Variants in DNAH17 observed in about 807,000 individuals in gnomAD.
DNAH17 encodes the protein axonemal beta dynein heavy chain 17.
DNAH17 carries 376 observed loss-of-function variants against 485.6 expected under a neutral mutation model. That is an observed-to-expected ratio of 0.77 (90% CI 0.71 to 0.84). The LOEUF (loss-of-function observed/expected upper bound fraction) is 0.84. DNAH17 is among the 40% of genes least tolerant of loss of function. DNAH17 has a pLI of 0.00. For missense variants in DNAH17, 6,370 were observed against 5,839.3 expected, an observed-to-expected ratio of 1.09 and a Z score of -2.96; for synonymous variants, 3,031 against 2,405.9, an observed-to-expected ratio of 1.26 and a Z score of -7.60.
At chr17:78,564,695 C>A (rs1271062571) in intron 11 of DNAH17, among the ~76,000 whole-genome samples, 1 of 152,154 alleles carries the variant, frequency 6.6e-6, no homozygotes, top group African/African-American at 2.4e-5. Flanking sequence ...TTGTGCACTG[C>A]AGGAAATACT....
chr17:78,505,516 C>T (rs187671298), intron 30 of DNAH17, 71 bp from the exon 31 acceptor site: 27 of 1,600,146 alleles, frequency 1.7e-5, no homozygotes, highest in Admixed American at 1.2e-4. Context: ...TTGGGCTTTC[C>T]GTGGGTGGTT....
chr17:78,515,505 T>G (rs903902655), intron 25 of DNAH17, among the ~76,000 whole-genome samples: 2 of 141,082 alleles, frequency 1.4e-5, no homozygotes, highest in Admixed American at 6.9e-5. Flanking sequence ...TGAGACTCCA[T>G]CTCAAAAAAA....
Position 78,479,479 on chromosome 17 carries a change from G to A in DNAH17, c.7900+6C>T, listed in dbSNP as rs1366392293. On this transcript the variant is annotated splice_donor_region_variant and intron_variant, in intron 50 of 80. Coordinates refer to ENST00000389840, the MANE Select transcript of DNAH17 (RefSeq NM_173628.4). Reference sequence around the variant, plus strand: ...ATGGGAGAGGGGATGAGGCCAGCCAGCTTACCCAGGGCCGCGGCCACCAGC... The same window carrying A: ...ATGGGAGAGGGGATGAGGCCAGCCAACTTACCCAGGGCCGCGGCCACCAGC... 2 of 1,607,230 alleles carry A rather than the reference G, an allele frequency of 1.2e-6. No homozygotes were observed. The highest frequency in any genetic ancestry group is 8.5e-7 in the Non-Finnish European group (1 of 1,177,734).
intron 56 of DNAH17, among the ~76,000 whole-genome samples, chr17:78,465,471 A>C (rs1461876656): frequency 6.3e-5 from 8 of 126,874 alleles, no homozygotes; most frequent in South Asian, 2.8e-4. Context: ...CTGCCATCCC[A>C]CCTAGGAAGT....
intron 69 of DNAH17, among the ~76,000 whole-genome samples, chr17:78,445,943 G>A (rs987844460): frequency 2.0e-5 from 3 of 150,374 alleles, no homozygotes; most frequent in Non-Finnish European, 4.5e-5. Flanking sequence ...GCCGAGGAGG[G>A]GGTGGATCAC....
chr17:78,543,833 A>G (rs1259132993), intron 17 of DNAH17, 24 bp downstream of exon 17: 1 of 1,613,954 alleles, frequency 6.2e-7, no homozygotes, highest in Admixed American at 1.7e-5. Flanking sequence ...GGGTTCTCAA[A>G]AAACCTCCTG....
rs147965459 is a variant in DNAH17, at chr17:78,449,544, G to A, written c.11081C>T (p.Thr3694Ile). 40 of 1,604,730 alleles carry A rather than the reference G, an allele frequency of 2.5e-5. No homozygotes were observed. Among genetic ancestry groups the A allele is most frequent in the Middle Eastern group, 1.6e-4 (1 of 6,068 alleles). ...CCGCTGCTTCACCTCGTTGGCAGGG[G>A]TGGTCCTCTGGATGGCTTTCTCAAA... The part of the protein sequence containing the change: ...VVFEKAIQRT[T>I]PANEVKQRVI... The change falls in exon 69 of 81, where the codon ACC (threonine) becomes ATC (isoleucine). Residue 3694 changes from threonine (T) to isoleucine (I), a missense_variant. Physicochemically the swap from Thr to Ile is moderately conservative, Grantham distance 89. Transcript: ENST00000389840.
At chr17:78,490,576 T>C in intron 44 of DNAH17, 123 bp downstream of exon 44, 1 of 1,364,840 alleles carries the variant, frequency 7.3e-7, no homozygotes, top group Non-Finnish European at 9.9e-7. Flanking sequence ...CACTGGTGCC[T>C]GGTGAGGGCC....
intron 48 of DNAH17, among the ~76,000 whole-genome samples, chr17:78,484,168 T>C (rs1285450426): frequency 7.6e-6 from 1 of 131,146 alleles, no homozygotes; most frequent in Admixed American, 7.7e-5. Context: ...ACTGCAAACC[T>C]AAACGTGCCA....
Position 78,450,746 on chromosome 17 carries a change from C to T in DNAH17, c.10835G>A (p.Gly3612Glu). The change falls in exon 67 of 81, where the codon GGA becomes GAA. Residue 3612 changes from glycine (G) to glutamate (E), a missense_variant. Gly to Glu is a moderately conservative substitution (Grantham distance 98). Transcript: ENST00000389840. ...RLSAASGNFL[G>E]DTALVENLET... The stretch of plus-strand genomic sequence containing the variant: ...CAGATTCTCCACCAAGGCCGTGTCT[C>T]CCAGAAAGTTCCCCGACGCAGCCGA... 1.2e-6 allele frequency: 2 copies of T among 1,614,034 alleles called. No individual in the cohort carries two copies. The highest frequency in any genetic ancestry group is 1.1e-5 in the South Asian group (1 of 91,076).
Position 78,507,739 on chromosome 17 carries a change from C to G in DNAH17, c.4303G>C (p.Gly1435Arg), listed in dbSNP as rs867707950. 1.2e-6 allele frequency: 2 copies of G among 1,603,358 alleles called. No individual in the cohort carries two copies. The highest frequency in any genetic ancestry group is 4.5e-5 in the East Asian group (2 of 44,796). ...TCGCTGGACTTGAGCATCATGGTGC[C>G]TGTCCGCGGGTGCGGCTCGTGCTGG... The part of the protein sequence containing the change: ...EFQHEPHPRT[G>R]TMMLKSSEVL... The change falls in exon 28 of 81, where the codon GGC (glycine) becomes CGC (arginine). Residue 1435 changes from glycine (G) to arginine (R), a missense_variant. Transcript: ENST00000389840.
At chr17:78,464,481 G>A (rs184689219) in intron 56 of DNAH17, among the ~76,000 whole-genome samples, 8 of 152,266 alleles carry the variant, frequency 5.3e-5, no homozygotes, top group Admixed American at 3.9e-4. Context: ...GGCTGATCTC[G>A]AACTCCTGAC....
chr17:78,425,000 G>C (rs1337174662), intron 80 of DNAH17: 1 of 191,890 alleles, frequency 5.2e-6, no homozygotes, highest in South Asian at 1.0e-4. Flanking sequence ...ACGCACTTCT[G>C]CCCTGGGCTG....
intron 54 of DNAH17, among the ~76,000 whole-genome samples, chr17:78,473,236 A>G (rs936501419): frequency 2.0e-5 from 3 of 152,174 alleles, no homozygotes; most frequent in African/African-American, 7.2e-5. Flanking sequence ...CTGAATCCAC[A>G]GAAGCGGCTT....
chr17:78,485,073 T>C, intron 47 of DNAH17, 40 bp from the exon 48 acceptor site: 1 of 1,562,716 alleles, frequency 6.4e-7, no homozygotes. Context: ...CTGCGCCTCC[T>C]GAGCCAGAGC....
Position 78,574,725 on chromosome 17 carries a change from C to G in DNAH17, c.333G>C (p.Ala111=), listed in dbSNP as rs186452295. 1.9e-6 allele frequency: 3 copies of G among 1,604,324 alleles called. No individual in the cohort carries two copies. The highest frequency in any genetic ancestry group is 2.2e-5 in the East Asian group (1 of 44,706). The change falls in exon 2 of 81, where the codon GCG becomes GCC. Residue 111 remains alanine, a synonymous_variant. Transcript: ENST00000389840. ...ISPTPVDQLI[A]VVEEVLSSLL... Reference sequence around the variant, plus strand: ...TGGACGCACTCACCTCCTCCACCACCGCGATCAGCTGGTCCACGGGTGTGG... The same window carrying G: ...TGGACGCACTCACCTCCTCCACCACGGCGATCAGCTGGTCCACGGGTGTGG...
In DNAH17 at chr17:78,460,144, C is replaced by G. The variant is rs750134569; in HGVS notation, c.9435+18G>C. Reference sequence around the variant, plus strand: ...TCCAACCAGGCCAGGGGTCCCCTTTCTTTCCCTCCCCCTTTACCTTATTCA... The same window carrying G: ...TCCAACCAGGCCAGGGGTCCCCTTTGTTTCCCTCCCCCTTTACCTTATTCA... On this transcript the variant is annotated intron_variant, in intron 59 of 80. Transcript: ENST00000389840. 1 of 1,593,260 alleles carries G rather than the reference C, an allele frequency of 6.3e-7. No homozygotes were observed. The highest frequency in any genetic ancestry group is 8.6e-7 in the Non-Finnish European group (1 of 1,168,260).
chr17:78,464,524 G>A (rs958738616), intron 56 of DNAH17, among the ~76,000 whole-genome samples: 1 of 152,208 alleles, frequency 6.6e-6, no homozygotes. Flanking sequence ...GCCCCCCAAA[G>A]TGCTGGGATT....
intron 20 of DNAH17, among the ~76,000 whole-genome samples, 197 bp from the exon 21 acceptor site, chr17:78,530,709 G>A (rs1004699581): frequency 1.3e-5 from 2 of 152,198 alleles, no homozygotes; most frequent in African/African-American, 4.8e-5. Context: ...TCCAGCCCCA[G>A]AGTCTAGCCC....
Sources: allele counts gnomAD v4.1 joint callset (sites outside exome capture counted in the v4.1 genomes callset), GRCh38; gene constraint gnomAD v4.1.1; transcripts MANE v1.5; gene names NCBI Gene and HGNC (gene_info 2026-07-23, HGNC 2026-07-21).